The following PTPRQ variants were observed in gnomAD, a reference collection of about 807,000 sequenced individuals.
The protein encoded by PTPRQ is phosphatidylinositol phosphatase PTPRQ.
PTPRQ carries 199 observed loss-of-function variants against 246.0 expected under a neutral mutation model. That is an observed-to-expected ratio of 0.81 (90% CI 0.72 to 0.91). The LOEUF (loss-of-function observed/expected upper bound fraction) is 0.91, where lower values mean the gene tolerates loss of function less well. PTPRQ is among the 40% of genes least tolerant of loss of function. PTPRQ has a pLI of 0.00. For synonymous variants in PTPRQ, 869 were observed against 853.2 expected, an observed-to-expected ratio of 1.02 and a Z score of -0.32; for missense variants, 2,624 against 2,528.4, an observed-to-expected ratio of 1.04 and a Z score of -0.81.
intron 38 of PTPRQ, among the ~76,000 whole-genome samples, chr12:80,654,757 G>C (rs1333407903): frequency 6.6e-6 from 1 of 151,788 alleles, no homozygotes; most frequent in Non-Finnish European, 1.5e-5. Flanking sequence ...CTACTCGAGA[G>C]GCTGAGGCAG....
At chr12:80,516,710 C>T (rs1307512118) in intron 17 of PTPRQ, among the ~76,000 whole-genome samples, 3 of 152,168 alleles carry the variant, frequency 2.0e-5, no homozygotes, top group Non-Finnish European at 4.4e-5. Flanking sequence ...AAAAGATTTT[C>T]ACCGTGTTAA....
At chr12:80,550,840 A>G (rs1012431800) in intron 25 of PTPRQ, among the ~76,000 whole-genome samples, 3 of 152,146 alleles carry the variant, frequency 2.0e-5, no homozygotes, top group African/African-American at 4.8e-5. Flanking sequence ...TCTCTATTCC[A>G]TATGAAAATT....
chr12:80,580,760 A>G (rs1897408910), intron 25 of PTPRQ, among the ~76,000 whole-genome samples: 1 of 152,200 alleles, frequency 6.6e-6, no homozygotes, highest in African/African-American at 2.4e-5. Context: ...GGCTGTTTCA[A>G]TGAACCATCA....
chr12:80,510,383 T>C lies in PTPRQ; in HGVS notation c.2618T>C (p.Leu873Ser). ...CAGTTGTCTGGTGTCACGGTGAAGT[T>C]GTCATGGCAACCACCCCTGGAGCCA... Reference protein sequence around the residue: ...VKQLSGVTVKLSWQPPLEPNG... With the variant: ...VKQLSGVTVKSSWQPPLEPNG... Residue 873 changes from leucine to serine, a missense_variant, in exon 17 of 45, where the codon TTG becomes TCG. By Grantham distance (145) the Leu-to-Ser change is moderately radical (BLOSUM62 -2). Coordinates refer to ENST00000644991, the MANE Select transcript of PTPRQ (RefSeq NM_001145026.2). 6.4e-7 allele frequency: 1 copy of C among 1,550,564 alleles called. No individual in the cohort carries two copies. Among genetic ancestry groups the C allele is most frequent in the South Asian group, 1.2e-5 (1 of 83,978 alleles).
chr12:80,637,484 T>C (rs1347050586), intron 35 of PTPRQ, among the ~76,000 whole-genome samples: 1 of 152,206 alleles, frequency 6.6e-6, no homozygotes, highest in African/African-American at 2.4e-5. Context: ...AAATTGGAAA[T>C]ATTAGTTTCC....
chr12:80,525,022 A>C (rs1356401543), intron 17 of PTPRQ, among the ~76,000 whole-genome samples: 1 of 152,154 alleles, frequency 6.6e-6, no homozygotes, highest in Non-Finnish European at 1.5e-5. Context: ...CTCATGTGGG[A>C]TATTTCTACC....
At chr12:80,563,656 A>T (rs1896893804) in intron 25 of PTPRQ, among the ~76,000 whole-genome samples, 1 of 152,026 alleles carries the variant, frequency 6.6e-6, no homozygotes, top group Non-Finnish European at 1.5e-5. Flanking sequence ...CAAGGAGAGG[A>T]TTTCTCCTTG....
At chr12:80,517,768 G>C (rs1258519255) in intron 17 of PTPRQ, among the ~76,000 whole-genome samples, 1 of 151,396 alleles carries the variant, frequency 6.6e-6, no homozygotes, top group Non-Finnish European at 1.5e-5. Context: ...TTTGTCATTT[G>C]TGCCTGACTT....
At chr12:80,559,286 C>T (rs1256768195) in intron 25 of PTPRQ, among the ~76,000 whole-genome samples, 1 of 152,108 alleles carries the variant, frequency 6.6e-6, no homozygotes, top group Non-Finnish European at 1.5e-5. Flanking sequence ...TTTCGTGATC[C>T]GCCCACCTCG....
At chr12:80,487,097 C>T (rs998272697) in intron 9 of PTPRQ, among the ~76,000 whole-genome samples, 3 of 152,230 alleles carry the variant, frequency 2.0e-5, no homozygotes, top group Admixed American at 6.5e-5. Flanking sequence ...TCACTGCTTC[C>T]TATTTGTCTG....
chr12:80,551,055 C>A (rs1426782396), intron 25 of PTPRQ, among the ~76,000 whole-genome samples: 1 of 152,046 alleles, frequency 6.6e-6, no homozygotes, highest in African/African-American at 2.4e-5. Context: ...CTTATGTCTT[C>A]TCTAGGATAT....
rs558498724 is a variant in PTPRQ at position 80,493,415 on chromosome 12, T to A, written c.1500T>A (p.Phe500Leu). 17 of 1,550,080 alleles carry A rather than the reference T, an allele frequency of 1.1e-5. No individual in the cohort carries two copies. In the South Asian group the frequency reaches 1.3e-4, roughly 12 times the overall value. Residue 500 changes from phenylalanine to leucine, a missense_variant, in exon 10 of 45, where the codon TTT (phenylalanine) becomes TTA (leucine). Phe to Leu is a conservative substitution (Grantham distance 22). Transcript: ENST00000644991. ...FIYNSHPDKNFPARNRAEDQT... is the reference protein window; with the variant it reads ...FIYNSHPDKNLPARNRAEDQT... Reference sequence around the variant, plus strand: ...ATAACAGCCATCCAGATAAAAACTTTCCTGCAAGGAATAGAGCTGAAGACC... The same window carrying A: ...ATAACAGCCATCCAGATAAAAACTTACCTGCAAGGAATAGAGCTGAAGACC...
At chr12:80,480,962 C>T (rs932879627) in intron 8 of PTPRQ, among the ~76,000 whole-genome samples, 1 of 152,108 alleles carries the variant, frequency 6.6e-6, no homozygotes, top group Non-Finnish European at 1.5e-5. Flanking sequence ...GGAACTGGTA[C>T]CATTCCTTCT....
At chr12:80,656,417 A>G (rs889947373) in intron 38 of PTPRQ, among the ~76,000 whole-genome samples, 5 of 152,132 alleles carry the variant, frequency 3.3e-5, no homozygotes, top group Non-Finnish European at 5.9e-5. Context: ...ACCCAAGCCC[A>G]TATGTATGGT....
intron 17 of PTPRQ, among the ~76,000 whole-genome samples, chr12:80,520,197 T>C (rs144251400): frequency 6.6e-6 from 1 of 152,102 alleles, no homozygotes; most frequent in African/African-American, 2.4e-5. Flanking sequence ...TTGAATTGTA[T>C]CTCCCATAAT....
At chr12:80,579,575 G>T (rs960400482) in intron 25 of PTPRQ, among the ~76,000 whole-genome samples, 7 of 152,072 alleles carry the variant, frequency 4.6e-5, no homozygotes, top group Non-Finnish European at 8.8e-5. Flanking sequence ...TGTATGAAAA[G>T]GTTCTTATAC....
intron 33 of PTPRQ, among the ~76,000 whole-genome samples, chr12:80,629,505 G>A (rs1373568804): frequency 6.6e-6 from 1 of 152,160 alleles, no homozygotes; most frequent in African/African-American, 2.4e-5. Context: ...GTCAACAATG[G>A]CCTTGTGTTA....
At chr12:80,545,041 G>A (rs1282264641) in intron 23 of PTPRQ, among the ~76,000 whole-genome samples, 1 of 152,090 alleles carries the variant, frequency 6.6e-6, no homozygotes, top group Non-Finnish European at 1.5e-5. Context: ...GTGTAAATCT[G>A]TTCACTATCC....
chr12:80,555,650 CA>C (rs1896622706), intron 25 of PTPRQ, among the ~76,000 whole-genome samples: 1 of 152,104 alleles, frequency 6.6e-6, no homozygotes, highest in South Asian at 2.1e-4. Flanking sequence ...ACTAGAAGCA[CA>C]AAAGACATTA....
Sources: gnomAD v4.1 joint callset for allele counts (sites outside exome capture counted in the v4.1 genomes callset) on GRCh38, gnomAD v4.1.1 for gene constraint, MANE v1.5 for transcripts, NCBI Gene and HGNC (gene_info 2026-07-23, HGNC 2026-07-21) for gene names.